Variants in ADK observed in about 807,000 individuals in gnomAD.
The protein encoded by ADK is N6,N6-dimethyladenosine kinase.
Under a neutral mutation model 44.7 loss-of-function variants are expected in ADK, and 24 were observed. The observed-to-expected ratio is 0.54, with a 90% CI of 0.39 to 0.76. The LOEUF (loss-of-function observed/expected upper bound fraction) is 0.76. Ranked by LOEUF, ADK falls within the 30% of genes least tolerant of loss-of-function variation. The probability of loss-of-function intolerance (pLI) is 0.00; values close to 1 mark genes in which losing one functional copy is unlikely to be tolerated. For synonymous variants in ADK, 128 were observed against 142.6 expected (o/e 0.90, Z 0.73); for missense variants, 321 against 425.1 (o/e 0.76, Z 2.15).
intron 3 of ADK, among the ~76,000 whole-genome samples, chr10:74,277,574 T>C (rs1373701576): frequency 1.3e-5 from 2 of 152,086 alleles, no homozygotes; most frequent in Non-Finnish European, 2.9e-5. Context: ...TATTTTTTTG[T>C]ATTTTTAGTA....
chr10:74,635,126 C>G (rs1191028214), intron 9 of ADK, among the ~76,000 whole-genome samples: 1 of 152,194 alleles, frequency 6.6e-6, no homozygotes. Flanking sequence ...CATGAACTTA[C>G]AGATTTGGGA....
intron 3 of ADK, among the ~76,000 whole-genome samples, chr10:74,251,304 A>G (rs1365890907): frequency 6.6e-6 from 1 of 152,048 alleles, no homozygotes; most frequent in Non-Finnish European, 1.5e-5. Context: ...AGTAGGGGGA[A>G]GAGATAGCTG....
intron 3 of ADK, among the ~76,000 whole-genome samples, chr10:74,283,527 A>G (rs958444663): frequency 3.4e-5 from 5 of 145,924 alleles, no homozygotes; most frequent in African/African-American, 1.3e-4. Flanking sequence ...AGATGTTTTC[A>G]GCCATCTTTG....
intron 3 of ADK, among the ~76,000 whole-genome samples, chr10:74,298,780 C>G (rs1839903490): frequency 7.3e-6 from 1 of 137,508 alleles, no homozygotes; most frequent in Non-Finnish European, 1.6e-5. Flanking sequence ...CAAAAACAAA[C>G]CAGAATTGAG....
At chr10:74,705,712 A>G (rs957990168) in intron 10 of ADK, among the ~76,000 whole-genome samples, 10 of 152,354 alleles carry the variant, frequency 6.6e-5, no homozygotes, top group African/African-American at 2.4e-4. Flanking sequence ...AGACTGACAG[A>G]TGGTTTGGGA....
At chr10:74,354,617 C>G (rs1253954827) in intron 4 of ADK, among the ~76,000 whole-genome samples, 1 of 152,002 alleles carries the variant, frequency 6.6e-6, no homozygotes, top group Non-Finnish European at 1.5e-5. Context: ...ATGATAGAAA[C>G]AGTCATAACC....
chr10:74,628,211 A>T (rs1853285453), intron 9 of ADK, among the ~76,000 whole-genome samples: 1 of 152,176 alleles, frequency 6.6e-6, no homozygotes, highest in Non-Finnish European at 1.5e-5. Context: ...GGCTCAAAGC[A>T]TCAGCTTTTT....
At chr10:74,298,701 G>A (rs892581362) in intron 3 of ADK, among the ~76,000 whole-genome samples, 1 of 152,056 alleles carries the variant, frequency 6.6e-6, no homozygotes, top group Non-Finnish European at 1.5e-5. Context: ...GAGCCCTGGA[G>A]TTTAAATTCA....
chr10:74,704,814 C>T (rs1340720160), intron 10 of ADK, among the ~76,000 whole-genome samples: 3 of 152,204 alleles, frequency 2.0e-5, no homozygotes, highest in Admixed American at 2.0e-4. Flanking sequence ...GCATTGTAAG[C>T]TGATCTGACT....
At chr10:74,571,122 A>C (rs1241357984) in intron 7 of ADK, among the ~76,000 whole-genome samples, 2 of 152,214 alleles carry the variant, frequency 1.3e-5, no homozygotes, top group African/African-American at 4.8e-5. Flanking sequence ...CCAGCTTTGC[A>C]TCCCAGGGAT....
chr10:74,658,844 C>G (rs1333579635), intron 9 of ADK, among the ~76,000 whole-genome samples: 3 of 151,914 alleles, frequency 2.0e-5, no homozygotes, highest in Admixed American at 6.6e-5. Context: ...TTTAGTGAAC[C>G]TATTAAAGAT....
At chr10:74,417,515 A>G (rs7923414) in intron 6 of ADK, among the ~76,000 whole-genome samples, 91,472 of 151,910 alleles carry the variant, frequency 0.6, 30,090 homozygotes, top group Middle Eastern at 0.77. Context: ...CAGTATGTCC[A>G]CTGGCTTATT....
At chr10:74,587,629 C>T (rs1463154646) in intron 7 of ADK, among the ~76,000 whole-genome samples, 1 of 150,866 alleles carries the variant, frequency 6.6e-6, no homozygotes, top group Non-Finnish European at 1.5e-5. Context: ...TGAGTTGGAT[C>T]TGCTCACTAC....
chr10:74,249,496 TACAC>T (rs72380023), intron 3 of ADK, among the ~76,000 whole-genome samples: 25,951 of 148,746 alleles, frequency 0.17, 2,500 homozygotes, highest in African/African-American at 0.27. Flanking sequence ...TGTACATGCA[TACAC>T]ACACACACAC....
At chr10:74,423,082 C>T (rs1844623871) in intron 6 of ADK, among the ~76,000 whole-genome samples, 1 of 152,090 alleles carries the variant, frequency 6.6e-6, no homozygotes, top group African/African-American at 2.4e-5. Flanking sequence ...GGTAGCTGCT[C>T]CAAACACGCC....
intron 7 of ADK, among the ~76,000 whole-genome samples, chr10:74,578,186 T>C (rs1284165626): frequency 6.6e-6 from 1 of 152,210 alleles, no homozygotes; most frequent in Non-Finnish European, 1.5e-5. Context: ...TGCTGATCTC[T>C]CCCCATCTGA....
intron 1 of ADK, chr10:74,176,760 C>T: frequency 6.4e-7 from 1 of 1,557,706 alleles, no homozygotes; most frequent in Non-Finnish European, 8.6e-7. Flanking sequence ...AGGACGCGCT[C>T]CCAGTCGCTG....
At chr10:74,470,894 C>T (rs943321342) in intron 6 of ADK, among the ~76,000 whole-genome samples, 17 of 151,808 alleles carry the variant, frequency 1.1e-4, no homozygotes, top group Admixed American at 5.2e-4. Flanking sequence ...CCAGTGTTTT[C>T]TTCTTGGAGT....
intron 10 of ADK, among the ~76,000 whole-genome samples, chr10:74,675,962 T>C (rs1041209664): frequency 6.6e-5 from 10 of 151,712 alleles, no homozygotes; most frequent in African/African-American, 2.2e-4. Context: ...AGTACACCTT[T>C]GACAGATTAT....
Sources: allele counts gnomAD v4.1 joint callset (sites outside exome capture counted in the v4.1 genomes callset), GRCh38; gene constraint gnomAD v4.1.1; transcripts MANE v1.5; gene names NCBI Gene and HGNC (gene_info 2026-07-23, HGNC 2026-07-21).